DAB1: variants seen among roughly 807,000 people sequenced by gnomAD.
DAB1 encodes disabled homolog 1.
Under a neutral mutation model 64.6 loss-of-function variants are expected in DAB1, and 15 were observed. The ratio of observed to expected loss-of-function variants is 0.23; its 90% CI spans 0.16 to 0.36. The LOEUF is 0.36. Ranked by LOEUF, DAB1 falls within the 10% of genes least tolerant of loss-of-function variation. DAB1 has a pLI of 1.00. For synonymous variants in DAB1, 235 were observed against 251.9 expected (o/e 0.93, Z 0.64); for missense variants, 596 against 706.7 (o/e 0.84, Z 1.78).
intron 6 of DAB1, among the ~76,000 whole-genome samples, chr1:57,807,691 T>G (rs2101880263): frequency 6.6e-6 from 1 of 152,272 alleles, no homozygotes; most frequent in South Asian, 2.1e-4. Context: ...AAAAATTTTT[T>G]TTCAATAAAA....
At chr1:57,612,212 TG>T (rs1645735864) in intron 7 of DAB1, among the ~76,000 whole-genome samples, 2 of 151,656 alleles carry the variant, frequency 1.3e-5, no homozygotes, top group Admixed American at 1.3e-4. Flanking sequence ...TGTGTGTGTG[TG>T]TGTGTGCATG....
At chr1:57,009,468 A>G (rs1303236974) in intron 14 of DAB1, among the ~76,000 whole-genome samples, 1 of 152,214 alleles carries the variant, frequency 6.6e-6, no homozygotes, top group Non-Finnish European at 1.5e-5. Flanking sequence ...TGTTAACAAA[A>G]TACACTTTCA....
chr1:57,269,244 C>T (rs1415336779), intron 2 of DAB1, among the ~76,000 whole-genome samples: 1 of 152,136 alleles, frequency 6.6e-6, no homozygotes, highest in African/African-American at 2.4e-5. Context: ...AAATAGAGTT[C>T]CAGCTCCCTG....
chr1:57,271,993 G>A (rs1272873451), intron 2 of DAB1, among the ~76,000 whole-genome samples: 2 of 152,206 alleles, frequency 1.3e-5, no homozygotes, highest in African/African-American at 4.8e-5. Flanking sequence ...CACAAGCACA[G>A]TGACAAACAA....
chr1:57,064,013 G>A lies in DAB1; in HGVS notation c.664-1070C>T, dbSNP rs139949263. Among the ~76,000 whole-genome samples, 954 of 152,284 alleles carry A rather than the reference G, an allele frequency of 6.3e-3. 13 individuals carry two copies. The highest frequency in any genetic ancestry group is 0.021 in the African/African-American group (889 of 41,540). On this transcript the variant is annotated intron_variant, in intron 8 of 14. Transcript: ENST00000371236. ...CATATTGGGAGCTCCTCAAGAGCAG[G>A]CATAGTGCCTAACACCCAGTAGGCT...
chr1:57,624,657 G>T (rs60116819), intron 7 of DAB1, among the ~76,000 whole-genome samples: 1 of 152,048 alleles, frequency 6.6e-6, no homozygotes, highest in Non-Finnish European at 1.5e-5. Flanking sequence ...CTTACAAACG[G>T]TAAGTTGTAA....
intron 1 of DAB1, chr1:58,534,033 A>C (rs1467946712): frequency 2.3e-6 from 2 of 871,054 alleles, no homozygotes; most frequent in Non-Finnish European, 4.0e-6. Flanking sequence ...CTATTTAAAA[A>C]TCCAGTGAAA....
intron 2 of DAB1, among the ~76,000 whole-genome samples, chr1:57,246,096 G>T (rs1452209994): frequency 1.3e-5 from 2 of 152,216 alleles, no homozygotes; most frequent in African/African-American, 4.8e-5. Context: ...AGAAATTCAA[G>T]TGAGCTGCAG....
In DAB1 at chr1:57,296,144, A is replaced by G. The variant is rs1673177650; in HGVS notation, c.-136-4978T>C. Among the ~76,000 whole-genome samples, 3 of 152,246 alleles carry G rather than the reference A, an allele frequency of 2.0e-5. 1 individual carries two copies. The South Asian group carries it at 6.2e-4, about 32-fold the overall frequency. ...TCTATAGAATGGAGCAAAGGAGTAA[A>G]TGCAGATATTGTTGGGAGCCAAGCT... is the stretch of plus-strand genomic sequence containing the variant. On this transcript the variant is annotated intron_variant, in intron 1 of 14. Coordinates refer to ENST00000371236, the MANE Select transcript of DAB1 (RefSeq NM_001365792.1).
intron 3 of DAB1, among the ~76,000 whole-genome samples, chr1:58,455,807 G>A (rs1645188056): frequency 6.6e-6 from 1 of 152,230 alleles, no homozygotes; most frequent in Non-Finnish European, 1.5e-5. Flanking sequence ...GGTTGAACAA[G>A]TGAGTGGTGT....
chr1:58,057,005 A>C (rs1374883195), intron 5 of DAB1, among the ~76,000 whole-genome samples: 1 of 150,892 alleles, frequency 6.6e-6, no homozygotes, highest in South Asian at 2.1e-4. Flanking sequence ...CCTTTATTAA[A>C]CCCTCTTTGA....
chr1:58,086,164 C>T (rs1650296645), intron 5 of DAB1, among the ~76,000 whole-genome samples: 1 of 151,306 alleles, frequency 6.6e-6, no homozygotes, highest in Admixed American at 6.6e-5. Context: ...GGGGTTTCAC[C>T]GTTTTAGCCG....
intron 1 of DAB1, among the ~76,000 whole-genome samples, chr1:57,348,397 C>T (rs542603267): frequency 2.0e-5 from 3 of 152,146 alleles, no homozygotes; most frequent in African/African-American, 4.8e-5. Context: ...TTAAAGGTGA[C>T]CCTTGAGCTA....
At chr1:57,969,047 T>A (rs187717344) in intron 5 of DAB1, among the ~76,000 whole-genome samples, 60 of 152,314 alleles carry the variant, frequency 3.9e-4, no homozygotes, top group Non-Finnish European at 1.5e-4. Context: ...CTGGAATAAT[T>A]TAAGAGAAAA....
At chr1:57,226,404 C>T (rs983817539) in intron 2 of DAB1, among the ~76,000 whole-genome samples, 1 of 152,062 alleles carries the variant, frequency 6.6e-6, no homozygotes, top group African/African-American at 2.4e-5. Context: ...GTTTCTCAGC[C>T]CCAAGCCCTT....
rs78990035 is a variant in DAB1, at chr1:57,936,801, A to T, written n.388-52639T>A. Among the ~76,000 whole-genome samples the T allele has an allele frequency of 1.3e-3, 191 of 152,258 alleles. 2 individuals carry two copies. In the East Asian group the frequency reaches 0.032, roughly 26 times the overall value. ...ATTAGCAGTTTCCAATCACTCTTAT[A>T]ATTAAATACAAACTTTCTGTGAGGG... On this transcript the variant is annotated intron_variant and non_coding_transcript_variant, in intron 5 of 20. Coordinates refer to the DAB1 transcript ENST00000485760.
At chr1:57,679,398 T>C (rs1188914917) in intron 6 of DAB1, among the ~76,000 whole-genome samples, 1 of 152,200 alleles carries the variant, frequency 6.6e-6, no homozygotes, top group Non-Finnish European at 1.5e-5. Flanking sequence ...TGGAATAGGC[T>C]GAAGACTCCA....
intron 5 of DAB1, among the ~76,000 whole-genome samples, chr1:58,094,096 C>A (rs956931323): frequency 6.6e-6 from 1 of 152,200 alleles, no homozygotes; most frequent in Non-Finnish European, 1.5e-5. Context: ...CATGGCTAGA[C>A]CCTCTACTGG....
intron 7 of DAB1, among the ~76,000 whole-genome samples, chr1:57,612,177 T>C (rs1419837259): frequency 2.0e-5 from 3 of 149,250 alleles, no homozygotes; most frequent in Non-Finnish European, 4.4e-5. Flanking sequence ...TTTTCACATA[T>C]CCATGTTTGG....
Sources: gnomAD v4.1 joint callset for allele counts (sites outside exome capture counted in the v4.1 genomes callset) on GRCh38, gnomAD v4.1.1 for gene constraint, MANE v1.5 for transcripts, NCBI Gene and HGNC (gene_info 2026-07-23, HGNC 2026-07-21) for gene names.